CACNA1I: variants seen among roughly 807,000 people sequenced by gnomAD.
CACNA1I encodes the protein voltage-dependent T-type calcium channel subunit alpha-1I.
CACNA1I carries 74 observed loss-of-function variants against 201.6 expected under a neutral mutation model. The observed-to-expected ratio is 0.37, with a 90% CI of 0.30 to 0.45. CACNA1I has a LOEUF of 0.45. Ranked by LOEUF, CACNA1I falls within the 20% of genes least tolerant of loss-of-function variation. CACNA1I has a pLI of 1.00. For missense variants in CACNA1I, 2,346 were observed against 3,138.1 expected, an observed-to-expected ratio of 0.75 and a Z score of 6.03; for synonymous variants, 1,431 against 1,345.2, an observed-to-expected ratio of 1.06 and a Z score of -1.40.
At position 39,619,399 on chromosome 22, in the gene CACNA1I, G is replaced by A. The variant is rs1933659578; in HGVS notation, c.572G>A (p.Arg191His). 10 of 1,606,850 alleles carry A rather than the reference G, an allele frequency of 6.2e-6. No individual in the cohort carries two copies. The highest frequency in any genetic ancestry group is 2.7e-5 in the African/African-American group (2 of 74,890). ...CTGAGGCCCCTCAAAGCCATCAACC[G>A]CGTGCCCAGTGAGTCAGCCCCGCCC... is the stretch of plus-strand genomic sequence containing the variant. Reference protein sequence around the residue: ...RVLRPLKAINRVPSMRILVNL... With the variant: ...RVLRPLKAINHVPSMRILVNL... Residue 191 changes from arginine (R) to histidine (H), a missense_variant, in exon 4 of 37, where the codon CGC becomes CAC. Arg to His is a conservative substitution (Grantham distance 29). This residue lies in a region of CACNA1I where 227 missense variants were observed against 412.5 expected (regional missense o/e 0.55). Coordinates refer to ENST00000402142, the MANE Select transcript of CACNA1I (RefSeq NM_021096.4).
At chr22:39,673,161 C>A in intron 28 of CACNA1I, 79 bp downstream of exon 28, 1 of 898,734 alleles carries the variant, frequency 1.1e-6, no homozygotes, top group Non-Finnish European at 1.6e-6. Flanking sequence ...TGAGAACACA[C>A]AGGAGTGGGG....
chr22:39,585,639 C>A (rs973910466), intron 1 of CACNA1I, among the ~76,000 whole-genome samples: 11 of 142,214 alleles, frequency 7.7e-5, no homozygotes, highest in African/African-American at 2.9e-4. Flanking sequence ...CTGCCCACCT[C>A]GGCCTCCCAA....
Position 39,684,156 on chromosome 22 carries a change from G to A in CACNA1I, c.5831-146G>A, listed in dbSNP as rs1052063546. ...AATGGGGAAACGAAGGCTTAGAGAG[G>A]GGGGACTTGTCCACAGTCTCACAGT... On this transcript the variant is annotated intron_variant, in intron 35 of 36. Transcript: ENST00000402142. The surrounding 1 kb of genome is among the most constrained non-coding windows in gnomAD (Gnocchi z 4.6). The A allele has an allele frequency of 2.4e-4, 154 of 653,564 alleles. 3 individuals are homozygous for A. Among genetic ancestry groups the A allele is most frequent in the South Asian group, 2.0e-3 (103 of 52,762 alleles). The allele number at this position is 653,564 out of a possible 1,614,324, so 40.5% of individuals were successfully genotyped here. A position where few individuals can be genotyped will look rare whatever the true frequency, so the allele number is the denominator to read the frequency against.
rs944866629 is a variant in CACNA1I at position 39,685,859 on chromosome 22, C to A, written c.6126C>A (p.Pro2042=). 6.8e-7 allele frequency: 1 copy of A among 1,474,754 alleles called. No individual in the cohort carries two copies. Among genetic ancestry groups the A allele is most frequent in the East Asian group, 3.0e-5 (1 of 33,294 alleles). The allele number at this position is 1,474,754 out of a possible 1,614,324, so 91.4% of individuals were successfully genotyped here. Residue 2042 remains proline, a synonymous_variant, in exon 37 of 37, where the codon CCC becomes CCA. Coordinates refer to ENST00000402142, the MANE Select transcript of CACNA1I (RefSeq NM_021096.4). This position sits in a 1 kb window ranked among gnomAD's most constrained non-coding sequence, Gnocchi z 5.0. ...LEDSLTLSDS[P]RRALGPPAPA... Reference sequence around the variant, plus strand: ...ACAGCCTGACCCTGAGCGACAGCCCCCGGCGTGCCCTGGGGCCGCCCGCGC... The same window carrying A: ...ACAGCCTGACCCTGAGCGACAGCCCACGGCGTGCCCTGGGGCCGCCCGCGC...
chr22:39,610,687 C>G (rs1234236934), intron 3 of CACNA1I, among the ~76,000 whole-genome samples: 4 of 152,160 alleles, frequency 2.6e-5, no homozygotes, highest in Non-Finnish European at 5.9e-5. Flanking sequence ...AGCTTCAGGG[C>G]CCGCTTGCTC....
chr22:39,642,725 TG>T, intron 6 of CACNA1I, 71 bp from the exon 7 acceptor site: 1 of 1,021,360 alleles, frequency 9.8e-7, no homozygotes, highest in Non-Finnish European at 1.5e-6. Flanking sequence ...GGCCTCTGTC[TG>T]GGGCACTGCC....
intron 4 of CACNA1I, among the ~76,000 whole-genome samples, chr22:39,627,062 C>G (rs943318519): frequency 2.0e-5 from 3 of 152,228 alleles, no homozygotes; most frequent in Non-Finnish European, 4.4e-5. Context: ...CCTGACCCTA[C>G]AGCTTTTCAC....
At position 39,659,638 on chromosome 22, in the gene CACNA1I, C is replaced by A; in HGVS notation, c.2449-59C>A. On this transcript the variant is annotated intron_variant, in intron 13 of 36. Transcript: ENST00000402142. This position sits in a 1 kb window ranked among gnomAD's most constrained non-coding sequence, Gnocchi z 4.3. ...GCGGGGCTGACAACTCCCATGCCTC[C>A]TTGTAGAGCCTAGCCCTGGACTAGG... 2.5e-6 allele frequency: 4 copies of A among 1,607,186 alleles called. No homozygotes were observed. The highest frequency in any genetic ancestry group is 3.4e-6 in the Non-Finnish European group (4 of 1,174,258).
chr22:39,649,547 G>C lies in CACNA1I; in HGVS notation c.1614G>C (p.Leu538=). The C allele has an allele frequency of 1.3e-6, 2 of 1,553,458 alleles. No individual in the cohort carries two copies. The highest frequency in any genetic ancestry group is 1.7e-6 in the Non-Finnish European group (2 of 1,148,736). The part of the protein sequence containing the change: ...HSPLDATPHT[L]VQPIPATLAS... ...CCCTGGATGCGACGCCCCACACCCT[G>C]GTGCAGCCCATCCCCGCCACGCTGG... The change falls in exon 10 of 37, where the codon CTG becomes CTC. Residue 538 remains leucine, a synonymous_variant. Transcript: ENST00000402142. This position sits in a 1 kb window ranked among gnomAD's most constrained non-coding sequence, Gnocchi z 7.3.
chr22:39,601,901 C>T (rs534770424), intron 3 of CACNA1I, among the ~76,000 whole-genome samples: 83 of 36,492 alleles, frequency 2.3e-3, no homozygotes, highest in African/African-American at 4.5e-3. Context: ...CACCCTCCCT[C>T]CCTCCCTCCC....
intron 1 of CACNA1I, chr22:39,587,649 C>T (rs1932770864): frequency 2.5e-6 from 1 of 407,576 alleles, no homozygotes; most frequent in Non-Finnish European, 4.8e-6. Flanking sequence ...CTGACTGTGT[C>T]CTTGGGCAAG....
intron 4 of CACNA1I, among the ~76,000 whole-genome samples, chr22:39,628,393 G>A (rs1601475727): frequency 6.6e-6 from 1 of 152,050 alleles, no homozygotes; most frequent in Admixed American, 6.5e-5. Flanking sequence ...CAGAGGAGGG[G>A]GTGGTAGGAC....
In CACNA1I at chr22:39,666,546, C is replaced by G. The variant is rs1222517983; in HGVS notation, c.4104+540C>G. On this transcript the variant is annotated intron_variant, in intron 23 of 36. Coordinates refer to ENST00000402142, the MANE Select transcript of CACNA1I (RefSeq NM_021096.4). This position sits in a 1 kb window ranked among gnomAD's most constrained non-coding sequence, Gnocchi z 4.1. Reference sequence around the variant, plus strand: ...GTCTGCTTTCCCCTTGGTCTCCTCTCCTGAGGGCCTGCCAGGTGTGACCCA... The same window carrying G: ...GTCTGCTTTCCCCTTGGTCTCCTCTGCTGAGGGCCTGCCAGGTGTGACCCA... 6.6e-6 allele frequency among the ~76,000 whole-genome samples: 1 copy of G among 152,226 alleles called. No individual in the cohort carries two copies. The highest frequency in any genetic ancestry group is 2.4e-5 in the African/African-American group (1 of 41,456).
chr22:39,592,053 G>A (rs1932828726), intron 1 of CACNA1I, among the ~76,000 whole-genome samples: 1 of 152,210 alleles, frequency 6.6e-6, no homozygotes. Context: ...GGTGTGGTGC[G>A]GGGACGTGGG....
Position 39,659,372 on chromosome 22 carries a change from C to G in CACNA1I, c.2331-61C>G. On this transcript the variant is annotated intron_variant, in intron 12 of 36. Coordinates refer to ENST00000402142, the MANE Select transcript of CACNA1I (RefSeq NM_021096.4). This position sits in a 1 kb window ranked among gnomAD's most constrained non-coding sequence, Gnocchi z 4.3. ...TTTACTGAGTTGACTGAGAATGAAA[C>G]AAGGTGAGTAGGCAGTTTGGTGCAT... 1 of 1,172,930 alleles carries G rather than the reference C, an allele frequency of 8.5e-7. No homozygotes were observed. The highest frequency in any genetic ancestry group is 1.2e-6 in the Non-Finnish European group (1 of 803,006). 72.7% of individuals were successfully genotyped at this position (1,172,930 alleles called of 1,614,324 possible).
At chr22:39,657,971 C>A (rs942727996) in intron 10 of CACNA1I, among the ~76,000 whole-genome samples, 181 bp from the exon 11 acceptor site, 2 of 152,210 alleles carry the variant, frequency 1.3e-5, no homozygotes, top group Non-Finnish European at 2.9e-5. Flanking sequence ...CCTCTCACGA[C>A]CCCAAGGTAG....
At position 39,658,310 on chromosome 22, in the gene CACNA1I, C is replaced by T; in HGVS notation, c.2144+7C>T. On this transcript the variant is annotated splice_region_variant and intron_variant, in intron 11 of 36. Transcript: ENST00000402142. Reference sequence around the variant, plus strand: ...GCATCATTGTCATCATCAGGTACCCCTCCCCCAACCCACCCGGCAGCAGAG... The same window carrying T: ...GCATCATTGTCATCATCAGGTACCCTTCCCCCAACCCACCCGGCAGCAGAG... The T allele has an allele frequency of 1.2e-6, 2 of 1,612,796 alleles. No individual in the cohort carries two copies. The highest frequency in any genetic ancestry group is 2.2e-5 in the East Asian group (1 of 44,870).
At position 39,647,851 on chromosome 22, in the gene CACNA1I, G is replaced by A. The variant is rs1186944596; in HGVS notation, c.1492G>A (p.Gly498Arg). ...HGKTKGQGDE[G>R]RHLGSRHCQT... ...GAAGACTAAGGGTCAGGGAGATGAA[G>A]GGAGACATCTCGGAAGCCGGCATTG... Residue 498 changes from glycine to arginine, a missense_variant, in exon 9 of 37, where the codon GGG becomes AGG. Physicochemically the swap from Gly to Arg is moderately radical, Grantham distance 125. Around this residue, in one of 13 missense-constraint regions of CACNA1I, gnomAD observed 312 missense variants for 331.5 expected, o/e 0.94. Transcript: ENST00000402142. The A allele has an allele frequency of 1.2e-5, 20 of 1,611,514 alleles. No individual in the cohort carries two copies. The East Asian group carries it at 3.6e-4, about 29-fold the overall frequency.
At chr22:39,654,687 A>G (rs903148169) in intron 10 of CACNA1I, among the ~76,000 whole-genome samples, 1 of 152,202 alleles carries the variant, frequency 6.6e-6, no homozygotes, top group African/African-American at 2.4e-5. Context: ...CAACATGGAC[A>G]GCAGTCATGG....
Sources: gnomAD v4.1 joint callset for allele counts (sites outside exome capture counted in the v4.1 genomes callset) on GRCh38, gnomAD v4.1.1 for gene constraint, gnomAD v4.1.1 regional missense constraint, Gnocchi (gnomAD v3.1) non-coding constraint, MANE v1.5 for transcripts, NCBI Gene and HGNC (gene_info 2026-07-23, HGNC 2026-07-21) for gene names.